DAB1: variants seen among roughly 807,000 people sequenced by gnomAD.
DAB1 encodes the protein disabled homolog 1.
In DAB1, 15 loss-of-function variants were observed where a neutral mutation model predicts 64.6. The observed-to-expected ratio is 0.23, with a 90% CI of 0.16 to 0.36. The LOEUF (loss-of-function observed/expected upper bound fraction) is 0.36. DAB1 is among the 10% of genes least tolerant of loss of function. DAB1 has a pLI of 1.00. For synonymous variants in DAB1, 235 were observed against 251.9 expected, an observed-to-expected ratio of 0.93 and a Z score of 0.64; for missense variants, 596 against 706.7, an observed-to-expected ratio of 0.84 and a Z score of 1.78.
At chr1:57,744,510 C>T (rs1032651018) in intron 6 of DAB1, among the ~76,000 whole-genome samples, 5 of 151,272 alleles carry the variant, frequency 3.3e-5, no homozygotes, top group South Asian at 2.1e-4. Context: ...CTTAATATAT[C>T]GGCAAACGAA....
intron 5 of DAB1, among the ~76,000 whole-genome samples, chr1:58,000,170 C>CT (rs1457118833): frequency 6.6e-6 from 1 of 152,122 alleles, no homozygotes. Context: ...AATAATTGTG[C>CT]TAGAGCCTGG....
chr1:57,955,401 T>C (rs1026396905), intron 5 of DAB1, among the ~76,000 whole-genome samples: 9 of 152,192 alleles, frequency 5.9e-5, no homozygotes, highest in African/African-American at 2.2e-4. Context: ...TAGTCCCTTG[T>C]CCTTTCTACT....
intron 7 of DAB1, among the ~76,000 whole-genome samples, chr1:57,474,489 C>T (rs1343795053): frequency 6.6e-6 from 1 of 152,134 alleles, no homozygotes; most frequent in Non-Finnish European, 1.5e-5. Flanking sequence ...TGTTTGGATC[C>T]ATTAGGAAGT....
intron 7 of DAB1, among the ~76,000 whole-genome samples, chr1:57,584,146 A>C (rs1451902111): frequency 6.6e-6 from 1 of 152,174 alleles, no homozygotes; most frequent in African/African-American, 2.4e-5. Context: ...TGAGTGTTCA[A>C]ACTGTGCTCA....
intron 7 of DAB1, among the ~76,000 whole-genome samples, chr1:57,590,719 A>G (rs532066106): frequency 1.0e-3 from 148 of 145,110 alleles, no homozygotes; most frequent in African/African-American, 3.7e-3. Flanking sequence ...GTGGGAAGGA[A>G]CACATTGTAG....
intron 1 of DAB1, among the ~76,000 whole-genome samples, chr1:57,842,879 A>G (rs1375777599): frequency 1.3e-5 from 2 of 152,216 alleles, no homozygotes; most frequent in African/African-American, 4.8e-5. Context: ...CATTTATATT[A>G]GTGTACAGTT....
intron 1 of DAB1, among the ~76,000 whole-genome samples, chr1:57,417,412 C>G (rs1248040041): frequency 6.6e-6 from 1 of 152,224 alleles, no homozygotes; most frequent in East Asian, 1.9e-4. Context: ...AAATCACACA[C>G]ATATTATTTT....
rs1650543897 is a variant in DAB1, at chr1:57,062,911, A to G, written c.696T>C (p.Tyr232=). Residue 232 remains tyrosine (Y), a synonymous_variant, in exon 9 of 15, where the codon TAT becomes TAC. Coordinates refer to ENST00000371236, the MANE Select transcript of DAB1 (RefSeq NM_001365792.1). Reference sequence around the variant, plus strand: ...TTACAGGTTGACTTTTTGGCACATCATAAACACCTTCCTTCTTTTGGCTGG... The same window carrying G: ...TTACAGGTTGACTTTTTGGCACATCGTAAACACCTTCCTTCTTTTGGCTGG... The part of the protein sequence containing the change: ...VPTSQKKEGV[Y]DVPKSQPVSA... 1 of 1,614,080 alleles carries G rather than the reference A, an allele frequency of 6.2e-7. No individual in the cohort carries two copies. Among genetic ancestry groups the G allele is most frequent in the African/African-American group, 1.3e-5 (1 of 74,944 alleles).
At chr1:57,272,155 T>A (rs1437067139) in intron 2 of DAB1, among the ~76,000 whole-genome samples, 1 of 152,206 alleles carries the variant, frequency 6.6e-6, no homozygotes, top group Non-Finnish European at 1.5e-5. Context: ...GCTTTCCAGA[T>A]TGCTTTTTTC....
At chr1:57,267,174 G>A (rs1670649452) in intron 2 of DAB1, among the ~76,000 whole-genome samples, 1 of 152,014 alleles carries the variant, frequency 6.6e-6, no homozygotes, top group Non-Finnish European at 1.5e-5. Flanking sequence ...AGAAGGCTAC[G>A]TGAAGGCAGA....
intron 2 of DAB1, among the ~76,000 whole-genome samples, chr1:57,184,409 A>G (rs1292469627): frequency 6.6e-6 from 1 of 152,180 alleles, no homozygotes; most frequent in East Asian, 1.9e-4. Context: ...CAGCTGGCAC[A>G]TCATCTTGAA....
chr1:57,600,045 T>C (rs535539047), intron 7 of DAB1, among the ~76,000 whole-genome samples: 7 of 152,306 alleles, frequency 4.6e-5, no homozygotes, highest in South Asian at 4.1e-4. Flanking sequence ...TCACATTTGA[T>C]ACCTTCTCGA....
intron 4 of DAB1, among the ~76,000 whole-genome samples, chr1:57,076,109 A>C (rs1651963520): frequency 6.6e-6 from 1 of 152,142 alleles, no homozygotes; most frequent in African/African-American, 2.4e-5. Flanking sequence ...GCACCTGTTG[A>C]GCAGCCAGAG....
chr1:57,911,730 C>T (rs57060206), intron 5 of DAB1, among the ~76,000 whole-genome samples: 48,287 of 152,094 alleles, frequency 0.32, 8,475 homozygotes, highest in African/African-American at 0.45. Flanking sequence ...CATCAGCCTT[C>T]ATAGTCCCTT....
chr1:57,510,176 C>T (rs1457943295), intron 7 of DAB1, among the ~76,000 whole-genome samples: 1 of 152,164 alleles, frequency 6.6e-6, no homozygotes, highest in Non-Finnish European at 1.5e-5. Context: ...TTAACCCATC[C>T]CAAGCTGGCT....
chr1:57,812,286 C>T (rs577152009), intron 6 of DAB1, among the ~76,000 whole-genome samples: 5 of 139,214 alleles, frequency 3.6e-5, no homozygotes, highest in Non-Finnish European at 7.6e-5. Flanking sequence ...CCACCCAAGT[C>T]CCTGAAAAAA....
intron 6 of DAB1, among the ~76,000 whole-genome samples, chr1:57,803,502 G>A (rs996665477): frequency 5.9e-5 from 9 of 152,238 alleles, no homozygotes; most frequent in African/African-American, 1.7e-4. Context: ...CAGAGCAGGA[G>A]GGAAGAGTAC....
At chr1:57,027,350 G>T (rs1262420922) in intron 9 of DAB1, among the ~76,000 whole-genome samples, 1 of 152,190 alleles carries the variant, frequency 6.6e-6, no homozygotes, top group African/African-American at 2.4e-5. Context: ...CACCTCGTTT[G>T]CAGGTAGCCC....
intron 3 of DAB1, among the ~76,000 whole-genome samples, chr1:58,369,886 A>G (rs1171778335): frequency 6.6e-6 from 1 of 152,216 alleles, no homozygotes; most frequent in Non-Finnish European, 1.5e-5. Flanking sequence ...TAAATAGGCA[A>G]TAGAGTTAAA....
Sources: allele counts gnomAD v4.1 joint callset (sites outside exome capture counted in the v4.1 genomes callset), GRCh38; gene constraint gnomAD v4.1.1; transcripts MANE v1.5; gene names NCBI Gene and HGNC (gene_info 2026-07-23, HGNC 2026-07-21).